The following ATP9B variants were observed in gnomAD, a reference collection of about 807,000 sequenced individuals.
The protein encoded by ATP9B is ATPase phospholipid transporting 9B.
Under a neutral mutation model 146.1 loss-of-function variants are expected in ATP9B, and 110 were observed. That is an observed-to-expected ratio of 0.75 (90% confidence interval 0.65 to 0.88). The LOEUF (loss-of-function observed/expected upper bound fraction) is 0.88. ATP9B is among the 40% of genes least tolerant of loss of function. The pLI is 0.00. For missense variants in ATP9B, 1,499 were observed against 1,496.4 expected (o/e 1.00, Z -0.03); for synonymous variants, 604 against 569.7 (o/e 1.06, Z -0.86).
chr18:79,278,866 TAC>T (rs897659390), intron 13 of ATP9B, among the ~76,000 whole-genome samples: 1 of 151,980 alleles, frequency 6.6e-6, no homozygotes, highest in African/African-American at 2.4e-5. Flanking sequence ...TCCATGGTAA[TAC>T]ACAGAAAACA....
intron 7 of ATP9B, among the ~76,000 whole-genome samples, chr18:79,164,895 A>G (rs535853989): frequency 1.3e-5 from 2 of 152,152 alleles, no homozygotes; most frequent in East Asian, 1.9e-4. Context: ...AAATACTTTT[A>G]GGAGGTTCAG....
At chr18:79,284,647 G>A (rs972499334) in intron 13 of ATP9B, among the ~76,000 whole-genome samples, 1 of 151,448 alleles carries the variant, frequency 6.6e-6, no homozygotes, top group Non-Finnish European at 1.5e-5. Context: ...TATACTTTAA[G>A]TTTTAGGGTA....
chr18:79,290,409 C>A (rs1284138590), intron 13 of ATP9B, among the ~76,000 whole-genome samples: 1 of 152,196 alleles, frequency 6.6e-6, no homozygotes, highest in Admixed American at 6.5e-5. Context: ...TGGGGTAGGA[C>A]CCTCCGAGCC....
chr18:79,157,409 A>AAAAAAAACAAAC (rs1568297141), intron 7 of ATP9B, among the ~76,000 whole-genome samples: 8 of 147,598 alleles, frequency 5.4e-5, no homozygotes, highest in East Asian at 4.1e-4. Context: ...AAAAAAAAAA[A>AAAAAAAACAAAC]AAAAAAAAAA....
chr18:79,265,238 C>G (rs1282976028), intron 12 of ATP9B, among the ~76,000 whole-genome samples: 1 of 152,128 alleles, frequency 6.6e-6, no homozygotes, highest in African/African-American at 2.4e-5. Flanking sequence ...CATGTTCCTG[C>G]GAAGGACATG....
intron 9 of ATP9B, among the ~76,000 whole-genome samples, chr18:79,193,873 T>C (rs1341843292): frequency 6.6e-6 from 1 of 152,242 alleles, no homozygotes; most frequent in Non-Finnish European, 1.5e-5. Context: ...AAAATACTTT[T>C]GTTGGTGAAT....
At chr18:79,374,147 T>C in intron 28 of ATP9B, 46 bp downstream of exon 28, 1 of 1,569,580 alleles carries the variant, frequency 6.4e-7, no homozygotes, top group South Asian at 1.1e-5. Context: ...CTATTCATGA[T>C]TTTGAAGTAT....
intron 13 of ATP9B, among the ~76,000 whole-genome samples, chr18:79,286,521 G>C (rs1481979737): frequency 2.0e-5 from 3 of 152,182 alleles, no homozygotes; most frequent in Non-Finnish European, 4.4e-5. Context: ...ATTTTGGGCT[G>C]AGACGATGGG....
intron 26 of ATP9B, among the ~76,000 whole-genome samples, chr18:79,365,843 C>G (rs529728018): frequency 4.1e-4 from 61 of 150,290 alleles, no homozygotes; most frequent in Non-Finnish European, 7.2e-4. Context: ...TCTCCGTGGA[C>G]GGGGACAGCT....
intron 15 of ATP9B, among the ~76,000 whole-genome samples, chr18:79,318,243 T>C (rs1442674221): frequency 1.3e-5 from 2 of 152,122 alleles, no homozygotes; most frequent in African/African-American, 4.8e-5. Context: ...AAGAGCATGG[T>C]GTGAAAAGGG....
chr18:79,345,607 C>T, intron 22 of ATP9B, 35 bp downstream of exon 22: 1 of 1,600,188 alleles, frequency 6.2e-7, no homozygotes, highest in Non-Finnish European at 8.5e-7. Context: ...AGGGAGGTCT[C>T]CAGAGAAACC....
At chr18:79,183,277 A>C (rs74447813) in intron 8 of ATP9B, among the ~76,000 whole-genome samples, 1 of 152,016 alleles carries the variant, frequency 6.6e-6, no homozygotes, top group Non-Finnish European at 1.5e-5. Context: ...TTCTAGATTT[A>C]AAAAAAAGCA....
At chr18:79,160,569 G>A (rs1018085523) in intron 7 of ATP9B, among the ~76,000 whole-genome samples, 29 of 152,294 alleles carry the variant, frequency 1.9e-4, no homozygotes, top group African/African-American at 6.7e-4. Flanking sequence ...ACAGTTTTGG[G>A]TAATTAATTA....
In ATP9B at chr18:79,249,401, T is replaced by TAAAAC. The variant is rs58947447; in HGVS notation, c.1108-3977_1108-3976insACAAA. 7.6e-3 allele frequency among the ~76,000 whole-genome samples: 1,159 copies of TAAAAC among 152,320 alleles called. 13 individuals carry two copies. The highest frequency in any genetic ancestry group is 0.018 in the African/African-American group (750 of 41,564). On this transcript the variant is annotated intron_variant, in intron 11 of 29. Transcript: ENST00000426216. The stretch of plus-strand genomic sequence containing the variant: ...ATTTTGTTATTGCAGTTGTTTCAAA[T>TAAAAC]AAATATTATGACAAGTAGAAGAAAA...
chr18:79,330,404 T>C (rs1484045298), intron 17 of ATP9B, among the ~76,000 whole-genome samples: 1 of 152,032 alleles, frequency 6.6e-6, no homozygotes, highest in Non-Finnish European at 1.5e-5. Context: ...TCCTATCTAT[T>C]TATAAATAGT....
At chr18:79,338,412 C>T (rs2096839234) in intron 19 of ATP9B, among the ~76,000 whole-genome samples, 1 of 152,248 alleles carries the variant, frequency 6.6e-6, no homozygotes. Flanking sequence ...CCATCCCCAC[C>T]ATGCTCCCAG....
At position 79,307,483 on chromosome 18, in the gene ATP9B, C is replaced by T. The variant is rs1333846053; in HGVS notation, c.1773+249C>T. On this transcript the variant is annotated intron_variant, in intron 15 of 29. Transcript: ENST00000426216. ...ATCCCAGAACACCCAGGGCTGGTCA[C>T]AGGGAACAGCATGAGAAATACCAGC... The T allele has an allele frequency of 5.9e-6, 3 of 506,066 alleles. No homozygotes were observed. The East Asian group carries it at 1.0e-4, about 17-fold the overall frequency. 31.3% of individuals were successfully genotyped at this position (506,066 alleles called of 1,614,324 possible).
chr18:79,295,395 T>C (rs1287293345), intron 13 of ATP9B, among the ~76,000 whole-genome samples: 1 of 152,256 alleles, frequency 6.6e-6, no homozygotes, highest in Non-Finnish European at 1.5e-5. Flanking sequence ...AAGTTTCATA[T>C]CGAGAAAACT....
intron 15 of ATP9B, among the ~76,000 whole-genome samples, chr18:79,315,396 T>C (rs1568658629): frequency 6.6e-6 from 1 of 152,218 alleles, no homozygotes; most frequent in Non-Finnish European, 1.5e-5. Context: ...GTAGCCTATC[T>C]GTGAATATTG....
Sources: gnomAD v4.1 joint callset for allele counts (sites outside exome capture counted in the v4.1 genomes callset) on GRCh38, gnomAD v4.1.1 for gene constraint, MANE v1.5 for transcripts, NCBI Gene and HGNC (gene_info 2026-07-23, HGNC 2026-07-21) for gene names.